FILIP1L: variants seen among roughly 807,000 people sequenced by gnomAD.
FILIP1L encodes the protein filamin A interacting protein 1 like.
FILIP1L carries 55 observed loss-of-function variants against 96.6 expected under a neutral mutation model. The ratio of observed to expected loss-of-function variants is 0.57; its 90% CI spans 0.46 to 0.71. FILIP1L has a LOEUF of 0.71. FILIP1L is among the 30% of genes least tolerant of loss of function. The pLI is 0.00. For missense variants in FILIP1L, 1,304 were observed against 1,321.2 expected (o/e 0.99, Z 0.20); for synonymous variants, 467 against 473.9 (o/e 0.99, Z 0.19).
chr3:99,908,872 TTG>T (rs527523023), intron 4 of FILIP1L, among the ~76,000 whole-genome samples: 8 of 151,082 alleles, frequency 5.3e-5, no homozygotes, highest in Non-Finnish European at 1.0e-4. Flanking sequence ...AAAATTCCTA[TTG>T]TGTGTGTGTG....
chr3:100,029,443 C>T (rs957732909), intron 1 of FILIP1L, among the ~76,000 whole-genome samples: 29 of 152,118 alleles, frequency 1.9e-4, no homozygotes, highest in African/African-American at 6.0e-4. Flanking sequence ...ATTCATTTTA[C>T]TGTTGCATTT....
At chr3:99,902,680 A>T (rs1170018473) in intron 4 of FILIP1L, among the ~76,000 whole-genome samples, 2 of 152,234 alleles carry the variant, frequency 1.3e-5, no homozygotes, top group African/African-American at 4.8e-5. Context: ...TGTCAGGAAG[A>T]GATTCACACT....
At chr3:100,094,349 AG>A (rs1382754769) in intron 1 of FILIP1L, among the ~76,000 whole-genome samples, 1 of 152,110 alleles carries the variant, frequency 6.6e-6, no homozygotes, top group Non-Finnish European at 1.5e-5. Context: ...TCACATATGT[AG>A]TTTGGTATAT....
chr3:100,090,632 G>A (rs974851483), intron 1 of FILIP1L, among the ~76,000 whole-genome samples: 2 of 152,094 alleles, frequency 1.3e-5, no homozygotes, highest in Non-Finnish European at 2.9e-5. Context: ...TGTTGCAGTC[G>A]TGTTCTCTGT....
At chr3:100,024,859 G>A (rs758080217) in intron 1 of FILIP1L, among the ~76,000 whole-genome samples, 5 of 152,134 alleles carry the variant, frequency 3.3e-5, no homozygotes, top group East Asian at 1.9e-4. Context: ...AGAAACATTC[G>A]TAGCCAAGCA....
intron 3 of FILIP1L, among the ~76,000 whole-genome samples, chr3:99,926,740 T>A (rs992896869): frequency 6.6e-6 from 1 of 152,234 alleles, no homozygotes; most frequent in East Asian, 1.9e-4. Flanking sequence ...AAGATATGTA[T>A]ATTAAATTTT....
chr3:99,980,554 A>G (rs1709092108), intron 1 of FILIP1L, among the ~76,000 whole-genome samples: 1 of 152,210 alleles, frequency 6.6e-6, no homozygotes, highest in African/African-American at 2.4e-5. Flanking sequence ...GTTTTATCCA[A>G]ATGAGTTTAT....
At chr3:99,858,823 C>G (rs1944101882) in intron 4 of FILIP1L, among the ~76,000 whole-genome samples, 1 of 152,232 alleles carries the variant, frequency 6.6e-6, no homozygotes, top group Admixed American at 6.5e-5. Context: ...AGAGGATAGA[C>G]AGTTGAAACA....
At chr3:100,026,794 G>A (rs916721653) in intron 1 of FILIP1L, among the ~76,000 whole-genome samples, 1 of 152,064 alleles carries the variant, frequency 6.6e-6, no homozygotes, top group South Asian at 2.1e-4. Context: ...CTCCTAACTG[G>A]TCTCACTGCT....
chr3:99,889,740 A>G (rs1199190129), intron 4 of FILIP1L, among the ~76,000 whole-genome samples: 1 of 152,156 alleles, frequency 6.6e-6, no homozygotes, highest in East Asian at 1.9e-4. Flanking sequence ...TAATGACCCT[A>G]TAAATTCCAT....
intron 1 of FILIP1L, among the ~76,000 whole-genome samples, chr3:100,065,762 T>A (rs1041895035): frequency 7.2e-5 from 11 of 152,226 alleles, no homozygotes; most frequent in Non-Finnish European, 1.6e-4. Context: ...CAGTTCATAT[T>A]CAGATTCAAG....
intron 5 of FILIP1L, among the ~76,000 whole-genome samples, chr3:99,834,683 G>A (rs572108121): frequency 2.6e-5 from 4 of 151,850 alleles, no homozygotes; most frequent in Admixed American, 6.6e-5. Context: ...CCCCTCTCCT[G>A]TGTCTTTCTC....
Position 99,893,162 on chromosome 3 carries a change from C to CTT in FILIP1L, c.605+31066_605+31067dup, listed in dbSNP as rs1200176411. ...TCCAGTAACAAAATTGGCATCTAGA[C>CTT]TTTTTTTTTTTTTTTTTTTTTGAGA... On this transcript the variant is annotated intron_variant, in intron 4 of 5. Coordinates refer to ENST00000477258, the MANE Select transcript of FILIP1L (RefSeq NM_001387850.1). Among the ~76,000 whole-genome samples the CTT allele has an allele frequency of 4.1e-3, 437 of 107,596 alleles. 6 individuals carry two copies. The highest frequency in any genetic ancestry group is 0.016 in the South Asian group (51 of 3,096). The allele number at this position is 107,596 out of a possible 152,430, so 70.6% of individuals were successfully genotyped here.
At chr3:99,837,280 G>A (rs1254573057) in intron 5 of FILIP1L, among the ~76,000 whole-genome samples, 1 of 152,062 alleles carries the variant, frequency 6.6e-6, no homozygotes, top group South Asian at 2.1e-4. Context: ...AACTTTTGAG[G>A]ACCTCTTGCA....
chr3:99,945,400 G>T (rs960806019), intron 1 of FILIP1L, among the ~76,000 whole-genome samples: 1 of 152,148 alleles, frequency 6.6e-6, no homozygotes, highest in South Asian at 2.1e-4. Context: ...TGAGCTTGGG[G>T]GTTCCACCCA....
intron 4 of FILIP1L, among the ~76,000 whole-genome samples, chr3:99,898,922 G>A (rs542182210): frequency 1.1e-4 from 16 of 152,110 alleles, no homozygotes; most frequent in East Asian, 1.9e-4. Flanking sequence ...AGCTCTAATC[G>A]AAGTTTAGCT....
chr3:100,066,132 T>G (rs907030486), intron 1 of FILIP1L, among the ~76,000 whole-genome samples: 1 of 152,250 alleles, frequency 6.6e-6, no homozygotes, highest in Non-Finnish European at 1.5e-5. Context: ...CTTGCCCACC[T>G]GTCAGTGTCT....
intron 4 of FILIP1L, among the ~76,000 whole-genome samples, chr3:99,920,515 A>G (rs1164097069): frequency 1.3e-5 from 2 of 152,244 alleles, no homozygotes; most frequent in African/African-American, 4.8e-5. Context: ...TGACACACGT[A>G]TCCACATGTT....
intron 1 of FILIP1L, among the ~76,000 whole-genome samples, chr3:99,940,860 A>G (rs371348062): frequency 6.6e-6 from 1 of 152,208 alleles, no homozygotes; most frequent in Non-Finnish European, 1.5e-5. Context: ...CCATCTTTAC[A>G]TTCCAACGTG....
Sources: gnomAD v4.1 joint callset for allele counts (sites outside exome capture counted in the v4.1 genomes callset) on GRCh38, gnomAD v4.1.1 for gene constraint, MANE v1.5 for transcripts, NCBI Gene and HGNC (gene_info 2026-07-23, HGNC 2026-07-21) for gene names.